The following DLGAP1 variants were observed in gnomAD, a reference collection of about 807,000 sequenced individuals.
DLGAP1 encodes disks large-associated protein 1.
DLGAP1 carries 11 observed loss-of-function variants against 90.8 expected under a neutral mutation model. The observed-to-expected ratio is 0.12, with a 90% CI of 0.08 to 0.20. The LOEUF is 0.20. DLGAP1 is among the 10% of genes least tolerant of loss of function. The pLI is 1.00. For missense variants in DLGAP1, 1,050 were observed against 1,333.8 expected (o/e 0.79, Z 3.31); for synonymous variants, 558 against 540.7 (o/e 1.03, Z -0.44).
intron 2 of DLGAP1, among the ~76,000 whole-genome samples, chr18:4,043,980 T>C (rs2075013482): frequency 6.6e-6 from 1 of 152,222 alleles, no homozygotes; most frequent in Admixed American, 6.5e-5. Context: ...GTCATAACTG[T>C]GCATTTAAAA....
At chr18:3,818,608 C>CTT (rs975695923) in intron 4 of DLGAP1, among the ~76,000 whole-genome samples, 1 of 139,440 alleles carries the variant, frequency 7.2e-6, no homozygotes, top group Non-Finnish European at 1.6e-5. Context: ...ATTTCAATAC[C>CTT]TTTTTTTTTT....
chr18:3,972,363 A>T (rs938320873), intron 3 of DLGAP1, among the ~76,000 whole-genome samples: 3 of 149,246 alleles, frequency 2.0e-5, no homozygotes, highest in East Asian at 3.9e-4. Flanking sequence ...AAATAATTTT[A>T]AAAAATTATA....
intron 1 of DLGAP1, among the ~76,000 whole-genome samples, chr18:4,419,119 T>C (rs2082971149): frequency 6.6e-6 from 1 of 152,186 alleles, no homozygotes; most frequent in African/African-American, 2.4e-5. Context: ...GAAGAAGTAA[T>C]ATGTATTAGT....
chr18:4,304,163 T>C (rs986648018), intron 1 of DLGAP1, among the ~76,000 whole-genome samples: 1 of 152,174 alleles, frequency 6.6e-6, no homozygotes, highest in African/African-American at 2.4e-5. Context: ...GAAATTAGTG[T>C]TTAGTGGGTA....
At chr18:4,250,301 G>A (rs776640528) in intron 1 of DLGAP1, among the ~76,000 whole-genome samples, 13 of 152,100 alleles carry the variant, frequency 8.5e-5, no homozygotes, top group Non-Finnish European at 1.6e-4. Flanking sequence ...CATTACCCTT[G>A]GTATTTATAA....
chr18:4,387,183 G>T (rs1329235766), intron 1 of DLGAP1, among the ~76,000 whole-genome samples: 2 of 152,110 alleles, frequency 1.3e-5, no homozygotes, highest in Non-Finnish European at 2.9e-5. Flanking sequence ...TGAGTGAAAA[G>T]GTAGGCAATA....
chr18:3,858,475 A>AAT (rs1555694767), intron 4 of DLGAP1, among the ~76,000 whole-genome samples: 2 of 43,222 alleles, frequency 4.6e-5, no homozygotes, highest in African/African-American at 3.4e-4. Flanking sequence ...ACAAAAGGGA[A>AAT]ACATATATAT....
At chr18:3,971,967 T>C (rs1031159364) in intron 3 of DLGAP1, among the ~76,000 whole-genome samples, 3 of 152,144 alleles carry the variant, frequency 2.0e-5, no homozygotes, top group African/African-American at 7.2e-5. Context: ...ATCCTGTGAA[T>C]TAACTAAGGG....
At chr18:4,147,047 G>C (rs2076596686) in intron 2 of DLGAP1, among the ~76,000 whole-genome samples, 1 of 152,138 alleles carries the variant, frequency 6.6e-6, no homozygotes, top group Non-Finnish European at 1.5e-5. Context: ...AAGATGTAGA[G>C]AGAAAATGTG....
chr18:4,090,044 A>C (rs937538138), intron 2 of DLGAP1, among the ~76,000 whole-genome samples: 7 of 151,242 alleles, frequency 4.6e-5, no homozygotes, highest in Non-Finnish European at 1.0e-4. Flanking sequence ...GACTCCGTCT[A>C]AAAAAAAAGA....
chr18:3,872,506 A>G (rs1325789577), intron 4 of DLGAP1, among the ~76,000 whole-genome samples: 1 of 152,202 alleles, frequency 6.6e-6, no homozygotes, highest in African/African-American at 2.4e-5. Context: ...ATAATGTGAA[A>G]AAAAAATTCT....
At chr18:4,437,561 GA>G (rs113025937) in intron 1 of DLGAP1, among the ~76,000 whole-genome samples, 17,499 of 152,070 alleles carry the variant, frequency 0.12, 1,039 homozygotes, top group Middle Eastern at 0.26. Context: ...ATGATGACAA[GA>G]AAAAAAAGTT....
At chr18:3,850,519 G>A (rs989471181) in intron 4 of DLGAP1, among the ~76,000 whole-genome samples, 14 of 152,078 alleles carry the variant, frequency 9.2e-5, no homozygotes, top group Non-Finnish European at 1.3e-4. Flanking sequence ...TATTAAGCTC[G>A]AATTTTTGTG....
At chr18:4,056,062 C>T (rs2075211110) in intron 2 of DLGAP1, among the ~76,000 whole-genome samples, 1 of 152,048 alleles carries the variant, frequency 6.6e-6, no homozygotes, top group East Asian at 1.9e-4. Flanking sequence ...AAGATAGATA[C>T]ATATTCATGT....
At chr18:3,658,894 A>G (rs2059587900) in intron 7 of DLGAP1, among the ~76,000 whole-genome samples, 1 of 150,800 alleles carries the variant, frequency 6.6e-6, no homozygotes, top group South Asian at 2.1e-4. Flanking sequence ...AAATTTAAAC[A>G]AATCATCAGG....
intron 1 of DLGAP1, among the ~76,000 whole-genome samples, chr18:4,220,662 T>A (rs913499600): frequency 2.6e-4 from 40 of 152,196 alleles, no homozygotes; most frequent in African/African-American, 9.6e-4. Context: ...GTAAATTTCT[T>A]ATGATCTACT....
At chr18:4,363,139 G>A (rs751970908) in intron 1 of DLGAP1, among the ~76,000 whole-genome samples, 2 of 152,152 alleles carry the variant, frequency 1.3e-5, no homozygotes, top group African/African-American at 2.4e-5. Flanking sequence ...GCCTTGATAA[G>A]CTCCCCAATA....
At chr18:3,797,359 G>GCT (rs35122272) in intron 5 of DLGAP1, among the ~76,000 whole-genome samples, 1 of 151,632 alleles carries the variant, frequency 6.6e-6, no homozygotes, top group Non-Finnish European at 1.5e-5. Context: ...ACACTCAAGA[G>GCT]CTCTCTCTCT....
chr18:4,365,309 C>A lies in DLGAP1; in HGVS notation c.-267+89697G>T, dbSNP rs376833379. Among the ~76,000 whole-genome samples the A allele has an allele frequency of 4.6e-4, 70 of 152,236 alleles. No individual in the cohort carries two copies. In the East Asian group the frequency reaches 4.6e-3, roughly 10 times the overall value. On this transcript the variant is annotated intron_variant, in intron 1 of 12. Transcript: ENST00000315677. The stretch of plus-strand genomic sequence containing the variant: ...AAAAAACTGGAAGCAGAAGCGCAAA[C>A]TAAACCCAAAGCCAACAGATTTTAT...
Sources: gnomAD v4.1 joint callset for allele counts (sites outside exome capture counted in the v4.1 genomes callset) on GRCh38, gnomAD v4.1.1 for gene constraint, MANE v1.5 for transcripts, NCBI Gene and HGNC (gene_info 2026-07-23, HGNC 2026-07-21) for gene names.